The following PALS2 variants were observed in gnomAD, a reference collection of about 807,000 sequenced individuals.
PALS2 encodes protein associated with LIN7 2, MAGUK p55 family member, also known as protein PALS2.
PALS2 carries 27 observed loss-of-function variants against 61.6 expected under a neutral mutation model. That is an observed-to-expected ratio of 0.44 (90% CI 0.32 to 0.60). The LOEUF is 0.60. Ranked by LOEUF, PALS2 falls within the 20% of genes least tolerant of loss-of-function variation. PALS2 has a pLI of 0.05. For missense variants in PALS2, 554 were observed against 639.4 expected (o/e 0.87, Z 1.44); for synonymous variants, 236 against 218.6 (o/e 1.08, Z -0.70).
chr7:24,675,315 T>G (rs1461697176), intron 9 of PALS2, among the ~76,000 whole-genome samples: 1 of 152,100 alleles, frequency 6.6e-6, no homozygotes, highest in Non-Finnish European at 1.5e-5. Flanking sequence ...CCAAGTCCTA[T>G]TATGCATTTA....
chr7:24,660,543 A>AACAC (rs145784408), intron 5 of PALS2, among the ~76,000 whole-genome samples: 7 of 150,770 alleles, frequency 4.6e-5, no homozygotes, highest in African/African-American at 1.5e-4. Context: ...CCTATTGACA[A>AACAC]ACACACACAC....
intron 1 of PALS2, among the ~76,000 whole-genome samples, chr7:24,584,250 A>G (rs1347431261): frequency 1.3e-4 from 15 of 112,718 alleles, no homozygotes; most frequent in Admixed American, 3.8e-4. Flanking sequence ...GACTTCCACA[A>G]TGGTTGAACT....
At chr7:24,588,375 G>T (rs1012670220) in intron 1 of PALS2, among the ~76,000 whole-genome samples, 2 of 151,968 alleles carry the variant, frequency 1.3e-5, no homozygotes, top group Non-Finnish European at 2.9e-5. Flanking sequence ...TTCATTTAGG[G>T]TTGCTTTTTT....
intron 1 of PALS2, among the ~76,000 whole-genome samples, chr7:24,588,197 A>C (rs1783147189): frequency 6.6e-6 from 1 of 152,182 alleles, no homozygotes; most frequent in Non-Finnish European, 1.5e-5. Flanking sequence ...TTGGAGACAT[A>C]GGTCAATTTT....
intron 11 of PALS2, among the ~76,000 whole-genome samples, chr7:24,685,375 C>T (rs929595747): frequency 7.9e-5 from 12 of 152,092 alleles, no homozygotes; most frequent in Admixed American, 4.6e-4. Flanking sequence ...AATCTTAAAA[C>T]GAATCCAGCT....
chr7:24,693,686 A>G lies in PALS2; in HGVS notation c.*6072A>G, dbSNP rs572493453. On this transcript the variant is annotated 3_prime_UTR_variant, in exon 12 of 12. Transcript: ENST00000222644. ...ATAAAAATATTTCTTATGTCTCTGT[A>G]TTCTCTTTTAAAAAGAACTGCTGAC... 1 of 152,300 alleles carries G rather than the reference A, an allele frequency of 6.6e-6. No homozygotes were observed. Among genetic ancestry groups the G allele is most frequent in the East Asian group, 1.9e-4 (1 of 5,184 alleles). 9.4% of individuals were successfully genotyped at this position (152,300 alleles called of 1,614,324 possible).
intron 1 of PALS2, among the ~76,000 whole-genome samples, chr7:24,609,758 A>C (rs542644819): frequency 6.6e-6 from 1 of 151,522 alleles, no homozygotes; most frequent in African/African-American, 2.4e-5. Context: ...AAGAGAACAA[A>C]CCCCCACTGT....
chr7:24,651,021 G>T (rs141416246), intron 5 of PALS2, among the ~76,000 whole-genome samples: 10 of 152,210 alleles, frequency 6.6e-5, no homozygotes, highest in Non-Finnish European at 1.3e-4. Flanking sequence ...TCTGACAGCT[G>T]TTATGTTCAG....
chr7:24,668,320 A>G (rs1787134057), intron 8 of PALS2, among the ~76,000 whole-genome samples, 179 bp from the exon 9 acceptor site: 3 of 152,144 alleles, frequency 2.0e-5, no homozygotes, highest in Non-Finnish European at 4.4e-5. Context: ...AAACAATAAT[A>G]AAATAATTAT....
chr7:24,684,029 C>G (rs1043045360), intron 11 of PALS2, among the ~76,000 whole-genome samples: 1 of 152,176 alleles, frequency 6.6e-6, no homozygotes, highest in Non-Finnish European at 1.5e-5. Context: ...AGTATCATTA[C>G]TGTGAACAGT....
At chr7:24,583,926 C>CTCACGATAGTTTACTGAGAATGATGATT (rs1174113740) in intron 1 of PALS2, among the ~76,000 whole-genome samples, 12 of 151,108 alleles carry the variant, frequency 7.9e-5, no homozygotes, top group Admixed American at 7.9e-4. Flanking sequence ...GTTTTTTGTT[C>CTCACGATAGTTTACTGAGAATGATGATT]TCACGATAGT....
chr7:24,592,862 C>G (rs1562602742), intron 1 of PALS2, among the ~76,000 whole-genome samples: 3 of 151,876 alleles, frequency 2.0e-5, no homozygotes, highest in Non-Finnish European at 4.4e-5. Flanking sequence ...AGGGTCTTAC[C>G]TTGATGCTGA....
intron 1 of PALS2, among the ~76,000 whole-genome samples, chr7:24,580,802 G>A (rs57719148): frequency 0.06 from 9,060 of 152,198 alleles, 669 homozygotes; most frequent in East Asian, 0.19. Context: ...AGAGGTTGGC[G>A]TTTAGTCATA....
At position 24,671,813 on chromosome 7, in the gene PALS2, G is replaced by T. The variant is rs571360431; in HGVS notation, c.1114+3153G>T. On this transcript the variant is annotated intron_variant, in intron 9 of 11. Coordinates refer to ENST00000222644, the MANE Select transcript of PALS2 (RefSeq NM_001303037.2). ...AAAAGAATAGTTCTTTCCTCCAGTG[G>T]ATTGTCTTGCCACCCTTTTTGAAAA... Among the ~76,000 whole-genome samples the T allele has an allele frequency of 4.6e-5, 7 of 152,100 alleles. No individual in the cohort carries two copies. In the East Asian group the frequency reaches 9.8e-4, roughly 21 times the overall value.
intron 11 of PALS2, among the ~76,000 whole-genome samples, chr7:24,681,297 C>G (rs1023930195): frequency 6.6e-6 from 1 of 152,120 alleles, no homozygotes; most frequent in African/African-American, 2.4e-5. Flanking sequence ...ATGCCGATCG[C>G]CTAGCTTCAA....
rs1181403036 is a variant in PALS2 at position 24,687,956 on chromosome 7, C to G, written c.*342C>G. 1 of 166,826 alleles carries G rather than the reference C, an allele frequency of 6.0e-6. No individual in the cohort carries two copies. Among genetic ancestry groups the G allele is most frequent in the East Asian group, 1.7e-4 (1 of 6,022 alleles). 10.3% of individuals were successfully genotyped at this position (166,826 alleles called of 1,614,324 possible). On this transcript the variant is annotated 3_prime_UTR_variant, in exon 12 of 12. Coordinates refer to ENST00000222644, the MANE Select transcript of PALS2 (RefSeq NM_001303037.2). The surrounding 1 kb of genome is among the most constrained non-coding windows in gnomAD (Gnocchi z 4.5). Reference sequence around the variant, plus strand: ...TCAAATCATTCACTCTAACATTGGTCTCATATTTTCACTGTGATAATGAAT... The same window carrying G: ...TCAAATCATTCACTCTAACATTGGTGTCATATTTTCACTGTGATAATGAAT...
intron 1 of PALS2, among the ~76,000 whole-genome samples, chr7:24,617,114 C>T (rs1321498460): frequency 6.6e-6 from 1 of 151,982 alleles, no homozygotes; most frequent in Non-Finnish European, 1.5e-5. Context: ...TTAGTTATTT[C>T]AGAAGACCTG....
chr7:24,628,393 C>T (rs1048367682), intron 2 of PALS2, among the ~76,000 whole-genome samples: 1 of 152,042 alleles, frequency 6.6e-6, no homozygotes, highest in Non-Finnish European at 1.5e-5. Flanking sequence ...TATGACAAAC[C>T]AACAGCCAAT....
chr7:24,670,118 G>A (rs760802111), intron 9 of PALS2, among the ~76,000 whole-genome samples: 17 of 151,962 alleles, frequency 1.1e-4, no homozygotes, highest in African/African-American at 3.9e-4. Flanking sequence ...TGCAGTTTAG[G>A]CCTTATCTGT....
Sources: allele counts gnomAD v4.1 joint callset (sites outside exome capture counted in the v4.1 genomes callset), GRCh38; gene constraint gnomAD v4.1.1; non-coding constraint Gnocchi (gnomAD v3.1); transcripts MANE v1.5; gene names NCBI Gene and HGNC (gene_info 2026-07-23, HGNC 2026-07-21).